Variants in COL12A1 observed in about 807,000 individuals in gnomAD.
COL12A1 encodes the protein collagen type XII alpha 1 chain.
In COL12A1, 114 loss-of-function variants were observed where a neutral mutation model predicts 349.7. That is an observed-to-expected ratio of 0.33 (90% CI 0.28 to 0.38). The LOEUF (loss-of-function observed/expected upper bound fraction) is 0.38, where lower values mean the gene tolerates loss of function less well. COL12A1 is among the 10% of genes least tolerant of loss of function. The pLI, the probability that COL12A1 is intolerant of heterozygous loss-of-function variation, is 1.00. For missense variants in COL12A1, 3,284 were observed against 3,756.9 expected (o/e 0.87, Z 3.29); for synonymous variants, 1,369 against 1,329.0 (o/e 1.03, Z -0.66).
intron 43 of COL12A1, 50 bp from the exon 44 acceptor site, chr6:75,121,491 T>A: frequency 6.8e-7 from 1 of 1,466,962 alleles, no homozygotes; most frequent in Non-Finnish European, 9.1e-7. Context: ...AATTCTTTCA[T>A]TTAAATGAAA....
intron 2 of COL12A1, among the ~76,000 whole-genome samples, chr6:75,197,213 TTTTC>T (rs1331556595): frequency 2.6e-5 from 4 of 152,194 alleles, no homozygotes; most frequent in African/African-American, 9.6e-5. Context: ...TTTAAAAATA[TTTTC>T]TTTTACATAA....
In COL12A1 at chr6:75,096,895, C is replaced by CAAA. The variant is rs35243223; in HGVS notation, c.8577+355_8577+357dup. On this transcript the variant is annotated intron_variant, in intron 59 of 65. Coordinates refer to ENST00000322507, the MANE Select transcript of COL12A1 (RefSeq NM_004370.6). The stretch of plus-strand genomic sequence containing the variant: ...TGGGCGACAGAGCGAGACTCCGTCT[C>CAAA]AAAAAAAAAAAAAAAAAAAAAAAAA... 0.011 allele frequency among the ~76,000 whole-genome samples: 816 copies of CAAA among 73,206 alleles called. 24 individuals carry two copies. The East Asian group carries it at 0.14, about 12-fold the overall frequency. 48.0% of individuals were successfully genotyped at this position (73,206 alleles called of 152,430 possible).
At chr6:75,179,826 C>A (rs1348234580) in intron 11 of COL12A1, among the ~76,000 whole-genome samples, 1 of 152,188 alleles carries the variant, frequency 6.6e-6, no homozygotes, top group African/African-American at 2.4e-5. Flanking sequence ...TAAATTGGTG[C>A]CTTAAATGTC....
intron 31 of COL12A1, 88 bp from the exon 32 acceptor site, chr6:75,134,943 G>C: frequency 1.4e-6 from 2 of 1,385,562 alleles, no homozygotes; most frequent in South Asian, 1.7e-5. Context: ...CAGGGAAGCT[G>C]TTTGAGACCC....
chr6:75,134,051 G>A (rs1766450275), intron 32 of COL12A1, 54 bp from the exon 33 acceptor site: 2 of 1,565,816 alleles, frequency 1.3e-6, no homozygotes, highest in African/African-American at 1.4e-5. Context: ...AAGCACACAT[G>A]AAACACAGAT....
At chr6:75,168,774 T>C (rs927646065) in intron 13 of COL12A1, among the ~76,000 whole-genome samples, 19 of 152,208 alleles carry the variant, frequency 1.2e-4, no homozygotes, top group African/African-American at 4.6e-4. Context: ...GGAGGTGTGC[T>C]GGGTCAGTGT....
In COL12A1 at chr6:75,134,830, C is replaced by T; in HGVS notation, c.5420G>A (p.Ser1807Asn). The T allele has an allele frequency of 2.5e-6, 4 of 1,612,512 alleles. No individual in the cohort carries two copies. The highest frequency in any genetic ancestry group is 3.4e-6 in the Non-Finnish European group (4 of 1,178,948). ...TGGCTTCAGTTTCTGCAGGACCACA[C>T]TGTTCTGCCGTCCTCCTATTGTGGT... is the stretch of plus-strand genomic sequence containing the variant. The part of the protein sequence containing the change: ...QTTTIGGRQN[S>N]VVLQKLKPDT... Residue 1807 changes from serine to asparagine, a missense_variant, in exon 32 of 66, where the codon AGT becomes AAT. Ser to Asn is a conservative substitution (Grantham distance 46, BLOSUM62 1). Around this residue, in one of 2 missense-constraint regions of COL12A1, gnomAD observed 2,601 missense variants for 2,824.8 expected, o/e 0.92. Coordinates refer to ENST00000322507, the MANE Select transcript of COL12A1 (RefSeq NM_004370.6).
intron 55 of COL12A1, among the ~76,000 whole-genome samples, chr6:75,103,349 C>T (rs1768392665): frequency 6.6e-6 from 1 of 152,056 alleles, no homozygotes; most frequent in African/African-American, 2.4e-5. Context: ...GCAGGTGACC[C>T]CTTGTGAGCA....
At position 75,183,096 on chromosome 6, in the gene COL12A1, A is replaced by T. The variant is rs1484924756; in HGVS notation, c.1845T>A (p.Ser615=). The T allele has an allele frequency of 1.9e-6, 3 of 1,614,140 alleles. No individual in the cohort carries two copies. Among genetic ancestry groups the T allele is most frequent in the Admixed American group, 3.3e-5 (2 of 60,000 alleles). Residue 615 remains serine (S), a synonymous_variant, in exon 10 of 66, where the codon TCT becomes TCA. Coordinates refer to ENST00000322507, the MANE Select transcript of COL12A1 (RefSeq NM_004370.6). The part of the protein sequence containing the change: ...FQRISFELTQ[S]ICLRIEQELA... ...ATTCTTGCTCAATTCTAAGGCAGAT[A>T]GACTGTGTGAGTTCAAAAGATATCC...
In COL12A1 at chr6:75,106,887, T is replaced by TTTTTC. The variant is rs1768578037; in HGVS notation, c.8101-392_8101-391insGAAAA. Among the ~76,000 whole-genome samples the TTTTTC allele has an allele frequency of 1.6e-4, 7 of 43,724 alleles. 1 individual carries two copies. The highest frequency in any genetic ancestry group is 2.1e-4 in the Non-Finnish European group (4 of 18,870). 28.7% of individuals were successfully genotyped at this position (43,724 alleles called of 152,430 possible). A position where few individuals can be genotyped will look rare whatever the true frequency, so the allele number is the denominator to read the frequency against. Reference sequence around the variant, plus strand: ...GTTAGGTATTTTCTTTTTTTTTTTCTTTTTTCTTTTTCTTTTTTTTTTTTT... The same window carrying TTTTTC: ...GTTAGGTATTTTCTTTTTTTTTTTCTTTTTCTTTTTCTTTTTCTTTTTTTTTTTTT... On this transcript the variant is annotated intron_variant, in intron 52 of 65. Transcript: ENST00000322507.
At chr6:75,112,487 C>G (rs2149357180) in intron 51 of COL12A1, among the ~76,000 whole-genome samples, 1 of 151,424 alleles carries the variant, frequency 6.6e-6, no homozygotes, top group East Asian at 1.9e-4. Flanking sequence ...TCTTATTTGT[C>G]AACGAATTGT....
In COL12A1 at chr6:75,131,983, C is replaced by G. The variant is rs199747984; in HGVS notation, c.5894G>C (p.Arg1965Pro). 6.2e-7 allele frequency: 1 copy of G among 1,614,086 alleles called. No individual in the cohort carries two copies. Among genetic ancestry groups the G allele is most frequent in the South Asian group, 1.1e-5 (1 of 91,082 alleles). Residue 1965 changes from arginine to proline, a missense_variant, in exon 35 of 66, where the codon CGC becomes CCC. Arg to Pro is a moderately radical substitution (Grantham distance 103). Coordinates refer to ENST00000322507, the MANE Select transcript of COL12A1 (RefSeq NM_004370.6). Reference sequence around the variant, plus strand: ...GCCATCCACAGGAGAATACACAACGCGATATTGCAGCACAGGTCCTGGAGC... The same window carrying G: ...GCCATCCACAGGAGAATACACAACGGGATATTGCAGCACAGGTCCTGGAGC... ...DPAPGPVLQY[R>P]VVYSPVDGTR...
intron 44 of COL12A1, among the ~76,000 whole-genome samples, chr6:75,120,606 AT>A (rs1157453823): frequency 1.3e-5 from 2 of 152,212 alleles, no homozygotes; most frequent in African/African-American, 4.8e-5. Context: ...AGACAAAATA[AT>A]TCAAAAGCAT....
At chr6:75,143,672 G>A (rs1562213747) in intron 25 of COL12A1, among the ~76,000 whole-genome samples, 1 of 151,948 alleles carries the variant, frequency 6.6e-6, no homozygotes, top group Non-Finnish European at 1.5e-5. Flanking sequence ...ATAATCTCTT[G>A]CTGCTCAACC....
At chr6:75,196,361 G>C (rs777373548) in intron 2 of COL12A1, among the ~76,000 whole-genome samples, 6 of 152,192 alleles carry the variant, frequency 3.9e-5, no homozygotes, top group Non-Finnish European at 7.4e-5. Flanking sequence ...TTTGAGACAT[G>C]AGTCACAGAA....
In COL12A1 at chr6:75,130,980, A is replaced by C. The variant is rs540867293; in HGVS notation, c.5939T>G (p.Ile1980Arg). The change falls in exon 36 of 66, where the codon ATA (isoleucine) becomes AGA (arginine). Residue 1980 changes from isoleucine to arginine, a missense_variant and splice_region_variant. Around this residue, in one of 2 missense-constraint regions of COL12A1, gnomAD observed 2,601 missense variants for 2,824.8 expected, o/e 0.92. Transcript: ENST00000322507. ...CATGCGCGTGTTTCCTGGCACTACT[A>C]TCTGCAGGAGAGGAAATGCCAAATT... ...PVDGTRPSES[I>R]VVPGNTRMVH... 7.4e-6 allele frequency: 12 copies of C among 1,614,136 alleles called. 1 individual carries two copies. In the Admixed American group the frequency reaches 2.0e-4, roughly 27 times the overall value.
intron 12 of COL12A1, among the ~76,000 whole-genome samples, chr6:75,176,204 G>A (rs944079212): frequency 1.3e-5 from 2 of 152,164 alleles, no homozygotes; most frequent in African/African-American, 4.8e-5. Flanking sequence ...AGAGGAGAGT[G>A]AAACAGTGAA....
In COL12A1 at chr6:75,121,417, A is replaced by G. The variant is rs201513339; in HGVS notation, c.6971T>C (p.Ile2324Thr). 13 of 1,603,610 alleles carry G rather than the reference A, an allele frequency of 8.1e-6. No individual in the cohort carries two copies. The East Asian group carries it at 1.8e-4, about 22-fold the overall frequency. Residue 2324 changes from isoleucine (I) to threonine (T), a missense_variant, in exon 44 of 66, where the codon ATT becomes ACT. This residue lies in a region of COL12A1 where 683 missense variants were observed against 932.1 expected (regional missense o/e 0.73). Transcript: ENST00000322507. ...RDVCKGAKAD[I>T]VFLTDASWSI... ...CCAGGAGGCATCAGTCAAGAACACA[A>G]TATCTGCCTTGGCCCCTTTGCATAC...
intron 13 of COL12A1, among the ~76,000 whole-genome samples, chr6:75,172,757 A>G (rs1425799916): frequency 1.3e-5 from 2 of 152,220 alleles, no homozygotes; most frequent in Non-Finnish European, 2.9e-5. Flanking sequence ...TACCAATTAT[A>G]TTTGAAATAC....
Sources: allele counts gnomAD v4.1 joint callset (sites outside exome capture counted in the v4.1 genomes callset), GRCh38; gene constraint gnomAD v4.1.1; regional missense constraint gnomAD v4.1.1; transcripts MANE v1.5; gene names NCBI Gene and HGNC (gene_info 2026-07-23, HGNC 2026-07-21).